Variants in GATM observed in about 807,000 individuals in gnomAD.
GATM encodes glycine amidinotransferase.
A neutral mutation model predicts 54.2 loss-of-function variants in GATM; 23 were observed. The observed-to-expected ratio is 0.42, with a 90% CI of 0.31 to 0.60. The LOEUF (loss-of-function observed/expected upper bound fraction) is 0.60, where lower values mean the gene tolerates loss of function less well. Among genes scored for constraint, GATM ranks in the 20% least tolerant of loss-of-function variants. GATM has a pLI of 0.14. For missense variants in GATM, 401 were observed against 544.9 expected, an observed-to-expected ratio of 0.74 and a Z score of 2.63; for synonymous variants, 168 against 183.1, an observed-to-expected ratio of 0.92 and a Z score of 0.67.
At chr15:45,370,804 T>G (rs1187497472) in intron 2 of GATM, among the ~76,000 whole-genome samples, 1 of 152,234 alleles carries the variant, frequency 6.6e-6, no homozygotes, top group Non-Finnish European at 1.5e-5. Context: ...GGAGTCTCAC[T>G]CTGTTGCCCA....
chr15:45,395,788 G>C (rs944889992), intron 3 of GATM, among the ~76,000 whole-genome samples: 2 of 152,102 alleles, frequency 1.3e-5, no homozygotes, highest in African/African-American at 4.8e-5. Flanking sequence ...GTCCACCATT[G>C]TACTATAGTG....
chr15:45,385,024 C>T lies in GATM; in HGVS notation c.-318-8205G>A, dbSNP rs549707528. Among the ~76,000 whole-genome samples, 61 of 152,304 alleles carry T rather than the reference C, an allele frequency of 4.0e-4. No homozygotes were observed. In the South Asian group the frequency reaches 6.0e-3, roughly 15 times the overall value. On this transcript the variant is annotated intron_variant, in intron 3 of 4. Transcript: ENST00000561148. ...TTTCCCTTTCTTAACCCAACAGCCT[C>T]TAGCACTGGTTGTGCTAGTCAGACA...
At position 45,376,788 on chromosome 15, in the gene GATM, C is replaced by G; in HGVS notation, c.101G>C (p.Arg34Pro). Residue 34 changes from arginine to proline, a missense_variant, in exon 2 of 9, where the codon CGA becomes CCA. Physicochemically the swap from Arg to Pro is moderately radical, Grantham distance 103 (BLOSUM62 -2). Coordinates refer to ENST00000396659, the MANE Select transcript of GATM (RefSeq NM_001482.3). ...LGRTLTGWVQRTFQSTQAATA... is the reference protein window; with the variant it reads ...LGRTLTGWVQPTFQSTQAATA... The stretch of plus-strand genomic sequence containing the variant: ...AGCTGCCTGGGTGCTCTGGAAAGTT[C>G]GCTGCACCCATCCTGTCAAGGTTCG... 6.2e-7 allele frequency: 1 copy of G among 1,614,044 alleles called. No individual in the cohort carries two copies. The highest frequency in any genetic ancestry group is 2.2e-5 in the East Asian group (1 of 44,880).
At chr15:45,376,862 T>C (rs1465160744) in intron 1 of GATM, 43 bp from the exon 2 acceptor site, 1 of 1,528,084 alleles carries the variant, frequency 6.5e-7, no homozygotes, top group South Asian at 1.2e-5. Context: ...CATTGCTCTA[T>C]CAGTACTTAC....
chr15:45,369,663 T>C (rs998391665), intron 2 of GATM, 142 bp from the exon 3 acceptor site: 2 of 739,890 alleles, frequency 2.7e-6, no homozygotes, highest in Admixed American at 4.1e-5. Flanking sequence ...ATCCCTAGCA[T>C]TGAGCACATA....
intron 2 of GATM, among the ~76,000 whole-genome samples, chr15:45,371,772 CA>C (rs1308189667): frequency 6.6e-6 from 1 of 152,182 alleles, no homozygotes; most frequent in Admixed American, 6.5e-5. Flanking sequence ...ACTAGATGTG[CA>C]AAAACTTTTA....
upstream of GATM, chr15:45,378,701 A>T (rs1889691435): frequency 2.6e-6 from 1 of 383,168 alleles, no homozygotes; most frequent in Admixed American, 4.8e-5. Flanking sequence ...CGAGCCTCCG[A>T]TGCTTGCCCT....
chr15:45,400,373 T>C (rs887064627), intron 1 of GATM, among the ~76,000 whole-genome samples: 2 of 152,194 alleles, frequency 1.3e-5, no homozygotes, highest in African/African-American at 4.8e-5. Flanking sequence ...TACTGGATGA[T>C]TGGGAAAGAC....
In GATM at chr15:45,364,839, C is replaced by T. The variant is rs749007953; in HGVS notation, c.1000G>A (p.Gly334Arg). 11 of 1,613,946 alleles carry T rather than the reference C, an allele frequency of 6.8e-6. No homozygotes were observed. Among genetic ancestry groups the T allele is most frequent in the Admixed American group, 3.3e-5 (2 of 60,002 alleles). ...CHQIDLFKKA[G>R]WTIITPPTPI... ...GTTGGAGGAGTAATGATAGTCCATC[C>T]TGCTTTCTTGAAAAGATCAATCTGT... Residue 334 changes from glycine to arginine, a missense_variant, in exon 7 of 9, where the codon GGA (glycine) becomes AGA (arginine). By Grantham distance (125) the Gly-to-Arg change is moderately radical (BLOSUM62 -2). Around this residue, in one of 3 missense-constraint regions of GATM, gnomAD observed 321 missense variants for 457.5 expected, o/e 0.70. Coordinates refer to ENST00000396659, the MANE Select transcript of GATM (RefSeq NM_001482.3).
chr15:45,362,268 A>T (rs1203544751), intron 8 of GATM, 47 bp from the exon 9 acceptor site: 2 of 1,158,936 alleles, frequency 1.7e-6, no homozygotes, highest in South Asian at 2.5e-5. Flanking sequence ...TAACATGACG[A>T]TTCTCATAGA....
chr15:45,366,313 T>C, intron 5 of GATM, 58 bp downstream of exon 5: 1 of 1,609,832 alleles, frequency 6.2e-7, no homozygotes, highest in African/African-American at 1.3e-5. Context: ...AATATTTTAA[T>C]TTGGAAGTAA....
chr15:45,401,504 T>C (rs2140689485), intron 1 of GATM, among the ~76,000 whole-genome samples: 1 of 151,834 alleles, frequency 6.6e-6, no homozygotes, highest in East Asian at 1.9e-4. Flanking sequence ...TTAAGAGGGA[T>C]AGAAAATGTA....
Position 45,369,264 on chromosome 15 carries a change from A to G in GATM, c.484+62T>C, listed in dbSNP as rs906261411. 3 of 1,463,124 alleles carry G rather than the reference A, an allele frequency of 2.1e-6. No homozygotes were observed. The African/African-American group carries it at 4.2e-5, about 20-fold the overall frequency. The allele number at this position is 1,463,124 out of a possible 1,614,324, so 90.6% of individuals were successfully genotyped here. ...AGAAATTTTTTGGAGCTTTCCCCTT[A>G]CACATTAAGAAAGAAATTGAAAATT... On this transcript the variant is annotated intron_variant, in intron 3 of 8. Coordinates refer to ENST00000396659, the MANE Select transcript of GATM (RefSeq NM_001482.3).
At chr15:45,388,495 C>A (rs1889832422) in intron 3 of GATM, among the ~76,000 whole-genome samples, 1 of 152,162 alleles carries the variant, frequency 6.6e-6, no homozygotes, top group Non-Finnish European at 1.5e-5. Flanking sequence ...ATATCCAATC[C>A]AGGATACCAC....
intron 3 of GATM, among the ~76,000 whole-genome samples, chr15:45,386,850 A>C (rs1380236389): frequency 1.3e-5 from 2 of 152,220 alleles, no homozygotes; most frequent in African/African-American, 4.8e-5. Context: ...TTTAAGTGAC[A>C]AAACGTCCTC....
intron 3 of GATM, among the ~76,000 whole-genome samples, chr15:45,388,499 A>C (rs1566845511): frequency 6.6e-6 from 1 of 152,176 alleles, no homozygotes; most frequent in Non-Finnish European, 1.5e-5. Flanking sequence ...CCAATCCAGG[A>C]TACCACACTA....
intron 1 of GATM, among the ~76,000 whole-genome samples, chr15:45,401,600 T>C (rs1890009814): frequency 6.6e-6 from 1 of 152,156 alleles, no homozygotes. Context: ...GTTGTCTTAA[T>C]AACGTAGATA....
At chr15:45,384,680 T>C (rs2140669321) in intron 3 of GATM, among the ~76,000 whole-genome samples, 1 of 152,218 alleles carries the variant, frequency 6.6e-6, no homozygotes, top group Admixed American at 6.5e-5. Flanking sequence ...AAGCTGTGCC[T>C]TACATTTCCC....
chr15:45,376,305 T>G (rs1388909821), intron 2 of GATM, among the ~76,000 whole-genome samples: 1 of 152,134 alleles, frequency 6.6e-6, no homozygotes, highest in East Asian at 1.9e-4. Context: ...AAAGTAATAT[T>G]CTGTTCAACC....
Sources: gnomAD v4.1 joint callset for allele counts (sites outside exome capture counted in the v4.1 genomes callset) on GRCh38, gnomAD v4.1.1 for gene constraint, gnomAD v4.1.1 regional missense constraint, MANE v1.5 for transcripts, NCBI Gene and HGNC (gene_info 2026-07-23, HGNC 2026-07-21) for gene names.